PLEKHA1: variants seen among roughly 807,000 people sequenced by gnomAD.
The protein encoded by PLEKHA1 is pleckstrin homology domain-containing family A member 1.
In PLEKHA1, 34 loss-of-function variants were observed where a neutral mutation model predicts 52.0. The ratio of observed to expected loss-of-function variants is 0.65; its 90% CI spans 0.50 to 0.87. The LOEUF is 0.87. PLEKHA1 is among the 40% of genes least tolerant of loss of function. The pLI is 0.00. For missense variants in PLEKHA1, 497 were observed against 504.2 expected, an observed-to-expected ratio of 0.99 and a Z score of 0.14; for synonymous variants, 163 against 170.7, an observed-to-expected ratio of 0.95 and a Z score of 0.35.
chr10:122,386,037 G>C (rs2096691132), intron 1 of PLEKHA1, among the ~76,000 whole-genome samples: 1 of 152,134 alleles, frequency 6.6e-6, no homozygotes, highest in Non-Finnish European at 1.5e-5. Context: ...CTAAGGATCT[G>C]TTTAACTGTA....
At chr10:122,392,585 C>G (rs1349568850) in intron 1 of PLEKHA1, among the ~76,000 whole-genome samples, 3 of 151,668 alleles carry the variant, frequency 2.0e-5, no homozygotes, top group African/African-American at 7.3e-5. Context: ...GATAGGAGAT[C>G]TAGAGTGCGG....
In PLEKHA1 at chr10:122,429,813, A is replaced by G. The variant is rs1409120492; in HGVS notation, c.1090A>G (p.Arg364Gly). ...GNFKVQTVSP[R>G]EPASKVTEQA... ...CTTCAAGGTCCAGACTGTCTCTCCA[A>G]GAGAACCAGCTTCCAAAGTGACTGA... The change falls in exon 12 of 12, where the codon AGA becomes GGA. Residue 364 changes from arginine (R) to glycine (G), a missense_variant. Physicochemically the swap from Arg to Gly is moderately radical, Grantham distance 125. Coordinates refer to ENST00000368990, the MANE Select transcript of PLEKHA1 (RefSeq NM_001001974.4). The G allele has an allele frequency of 2.5e-6, 4 of 1,614,204 alleles. No homozygotes were observed. Among genetic ancestry groups the G allele is most frequent in the East Asian group, 2.2e-5 (1 of 44,884 alleles).
At chr10:122,417,740 A>G (rs981141974) in intron 7 of PLEKHA1, among the ~76,000 whole-genome samples, 160 bp from the exon 8 acceptor site, 2 of 152,006 alleles carry the variant, frequency 1.3e-5, no homozygotes, top group African/African-American at 4.8e-5. Context: ...GGGTAGCTAG[A>G]GAGGGATGAG....
chr10:122,406,554 T>G, intron 4 of PLEKHA1, 22 bp from the exon 5 acceptor site: 2 of 1,556,306 alleles, frequency 1.3e-6, no homozygotes, highest in Non-Finnish European at 1.8e-6. Context: ...ATATTTGGTG[T>G]GTTATTTTTT....
intron 1 of PLEKHA1, among the ~76,000 whole-genome samples, chr10:122,378,258 G>A (rs1454606706): frequency 6.6e-6 from 1 of 152,172 alleles, no homozygotes; most frequent in East Asian, 1.9e-4. Flanking sequence ...GAATGCTATT[G>A]CATATGTCAT....
At chr10:122,433,192 A>G (rs1181229087), downstream of PLEKHA1, 1 of 152,134 alleles carries the variant, frequency 6.6e-6, no homozygotes, top group Non-Finnish European at 1.5e-5. Flanking sequence ...GGACTACCCT[A>G]TTCCTGTCAT....
At chr10:122,379,348 A>T (rs767133681) in intron 1 of PLEKHA1, among the ~76,000 whole-genome samples, 3 of 152,214 alleles carry the variant, frequency 2.0e-5, no homozygotes, top group Admixed American at 6.5e-5. Context: ...GAATAGTGGC[A>T]TACAGACTAC....
chr10:122,424,699 G>T (rs2097312072), intron 9 of PLEKHA1, among the ~76,000 whole-genome samples, 197 bp from the exon 10 acceptor site: 1 of 152,106 alleles, frequency 6.6e-6, no homozygotes, highest in Admixed American at 6.5e-5. Flanking sequence ...GTTGCTTTGT[G>T]AACTTTTTCT....
chr10:122,387,178 T>C (rs1431844162), intron 1 of PLEKHA1: 1 of 152,164 alleles, frequency 6.6e-6, no homozygotes, highest in Non-Finnish European at 1.5e-5. Flanking sequence ...TTTTCTGATA[T>C]TTATTATTCC....
At chr10:122,423,023 T>G (rs2097282279) in intron 8 of PLEKHA1, 1 of 152,182 alleles carries the variant, frequency 6.6e-6, no homozygotes, top group Non-Finnish European at 1.5e-5. Context: ...GCAGAAATTC[T>G]TTGTACTGTT....
At chr10:122,387,773 C>G (rs2096720540) in intron 1 of PLEKHA1, 1 of 152,230 alleles carries the variant, frequency 6.6e-6, no homozygotes, top group Non-Finnish European at 1.5e-5. Context: ...GTGGGCTGGT[C>G]ACCTCTCTCC....
chr10:122,390,807 G>T (rs1348663214), intron 1 of PLEKHA1, among the ~76,000 whole-genome samples: 1 of 128,940 alleles, frequency 7.8e-6, no homozygotes, highest in Admixed American at 8.5e-5. Context: ...AGGTGTGTGT[G>T]TACCTAGGAG....
chr10:122,399,211 AC>A (rs2096893079), intron 3 of PLEKHA1, among the ~76,000 whole-genome samples: 2 of 152,126 alleles, frequency 1.3e-5, no homozygotes, highest in Admixed American at 1.3e-4. Context: ...CTTTTGTGTG[AC>A]TCAGAACTGT....
At chr10:122,429,509 T>G in intron 11 of PLEKHA1, 115 bp from the exon 12 acceptor site, 1 of 833,828 alleles carries the variant, frequency 1.2e-6, no homozygotes, top group Non-Finnish European at 1.9e-6. Flanking sequence ...TGTGTGTGTG[T>G]GTGTGTGTGT....
chr10:122,396,292 GTAGT>G (rs1283472414), intron 2 of PLEKHA1, among the ~76,000 whole-genome samples: 1 of 152,008 alleles, frequency 6.6e-6, no homozygotes, highest in Admixed American at 6.5e-5. Context: ...CACTTTGGTG[GTAGT>G]TAGAGATTCT....
At chr10:122,384,608 C>CAAA (rs59343401) in intron 1 of PLEKHA1, among the ~76,000 whole-genome samples, 11 of 118,954 alleles carry the variant, frequency 9.2e-5, no homozygotes, top group African/African-American at 3.0e-4. Flanking sequence ...GACTCTGTCT[C>CAAA]AAAAAAAAAA....
chr10:122,375,411 A>G (rs931949228), intron 1 of PLEKHA1, among the ~76,000 whole-genome samples: 1 of 152,146 alleles, frequency 6.6e-6, no homozygotes, highest in Non-Finnish European at 1.5e-5. Context: ...TTACCTCCGC[A>G]CCTTCGGGGC....
chr10:122,392,159 T>C (rs2096784974), intron 1 of PLEKHA1: 1 of 152,166 alleles, frequency 6.6e-6, no homozygotes, highest in Non-Finnish European at 1.5e-5. Context: ...CTTTAATCAG[T>C]ACAATAAAAG....
At chr10:122,440,966 C>T in the PLEKHA1 span, 1 of 152,086 alleles carries the variant, frequency 6.6e-6, no homozygotes, top group Non-Finnish European at 1.5e-5. Flanking sequence ...CCTCATGGGC[C>T]CCTCTTAAGT....
Sources: gnomAD v4.1 joint callset for allele counts (sites outside exome capture counted in the v4.1 genomes callset) on GRCh38, gnomAD v4.1.1 for gene constraint, MANE v1.5 for transcripts, NCBI Gene and HGNC (gene_info 2026-07-23, HGNC 2026-07-21) for gene names.